SH2D4B: variants seen among roughly 807,000 people sequenced by gnomAD.
SH2D4B encodes the protein SH2 domain containing 4B.
In SH2D4B, 45 loss-of-function variants were observed where a neutral mutation model predicts 61.5. That is an observed-to-expected ratio of 0.73 (90% confidence interval 0.58 to 0.94). The LOEUF (loss-of-function observed/expected upper bound fraction) is 0.94, where lower values mean the gene tolerates loss of function less well. Among genes scored for constraint, SH2D4B ranks in the 40% least tolerant of loss-of-function variants. The probability of loss-of-function intolerance (pLI) is 0.00; values close to 1 mark genes in which losing one functional copy is unlikely to be tolerated. For missense variants in SH2D4B, 572 were observed against 574.2 expected (o/e 1.00, Z 0.04); for synonymous variants, 224 against 220.4 (o/e 1.02, Z -0.14).
intron 4 of SH2D4B, among the ~76,000 whole-genome samples, chr10:80,592,792 C>T (rs1172122610): frequency 6.8e-6 from 1 of 148,136 alleles, no homozygotes; most frequent in Admixed American, 7.0e-5. Flanking sequence ...CAGCTTACTG[C>T]AAGCTCTGCC....
At chr10:80,540,073 CAG>C (rs1841558012) in intron 1 of SH2D4B, among the ~76,000 whole-genome samples, 1 of 152,186 alleles carries the variant, frequency 6.6e-6, no homozygotes, top group African/African-American at 2.4e-5. Flanking sequence ...AATATTTATA[CAG>C]AGATTTGTCA....
At chr10:80,603,205 C>G (rs1043384843) in intron 4 of SH2D4B, among the ~76,000 whole-genome samples, 2 of 152,048 alleles carry the variant, frequency 1.3e-5, no homozygotes, top group African/African-American at 4.8e-5. Flanking sequence ...CTGAGCAGGG[C>G]ACTCCCAGGA....
At chr10:80,572,945 AATATATATATATATAT>A (rs869061750) in intron 3 of SH2D4B, among the ~76,000 whole-genome samples, 617 of 20,638 alleles carry the variant, frequency 0.03, 21 homozygotes, top group Middle Eastern at 0.12. Context: ...GTATGTTGCA[AATATATATATATATAT>A]ATATATATAT....
In SH2D4B at chr10:80,538,656, A is replaced by G. The variant is rs2132097453; in HGVS notation, c.184+141A>G. The G allele has an allele frequency of 1.4e-6, 1 of 697,248 alleles. No homozygotes were observed. Among genetic ancestry groups the G allele is most frequent in the East Asian group, 3.4e-5 (1 of 29,164 alleles). The allele number at this position is 697,248 out of a possible 1,614,324, so 43.2% of individuals were successfully genotyped here. ...GGCTTGAAACCCTTGTCTTGTGGGC[A>G]TCAGGTCCCATGAGCCTGTGCTTTT... On this transcript the variant is annotated intron_variant, in intron 1 of 7. Transcript: ENST00000646907. The surrounding 1 kb of genome is among the most constrained non-coding windows in gnomAD (Gnocchi z 4.8).
At chr10:80,545,229 G>A (rs1045619709) in intron 1 of SH2D4B, among the ~76,000 whole-genome samples, 1 of 152,068 alleles carries the variant, frequency 6.6e-6, no homozygotes, top group African/African-American at 2.4e-5. Flanking sequence ...AACAAACCCC[G>A]TAGCCATGAA....
chr10:80,592,594 C>T (rs542783037), intron 4 of SH2D4B, among the ~76,000 whole-genome samples: 2 of 152,270 alleles, frequency 1.3e-5, no homozygotes, highest in Admixed American at 6.5e-5. Context: ...TATGGCCATC[C>T]AAGTTGTCCA....
chr10:80,633,367 T>C (rs1045590658), intron 6 of SH2D4B, among the ~76,000 whole-genome samples: 8 of 152,328 alleles, frequency 5.3e-5, no homozygotes, highest in African/African-American at 1.9e-4. Context: ...GTTTGAATAC[T>C]TTATTCAACT....
chr10:80,588,881 C>G, intron 4 of SH2D4B, 104 bp downstream of exon 4: 1 of 1,402,134 alleles, frequency 7.1e-7, no homozygotes, highest in Non-Finnish European at 9.7e-7. Flanking sequence ...GCTCACTCAC[C>G]CCATCAGCCT....
intron 3 of SH2D4B, among the ~76,000 whole-genome samples, chr10:80,585,606 C>T (rs900263624): frequency 5.9e-5 from 9 of 152,204 alleles, no homozygotes; most frequent in Admixed American, 1.3e-4. Context: ...TGAACCACCG[C>T]GCCCAGCCAG....
At chr10:80,552,347 A>C (rs747037872) in intron 1 of SH2D4B, among the ~76,000 whole-genome samples, 4 of 151,766 alleles carry the variant, frequency 2.6e-5, no homozygotes, top group African/African-American at 7.3e-5. Flanking sequence ...CTTTTGCTCC[A>C]CTTTGCATGG....
intron 4 of SH2D4B, among the ~76,000 whole-genome samples, chr10:80,600,241 C>T (rs558243276): frequency 6.6e-6 from 1 of 152,314 alleles, no homozygotes; most frequent in East Asian, 1.9e-4. Context: ...GATTTCTTTC[C>T]CCATATTATA....
At chr10:80,543,560 G>A (rs570441458) in intron 1 of SH2D4B, among the ~76,000 whole-genome samples, 20 of 152,282 alleles carry the variant, frequency 1.3e-4, no homozygotes, top group African/African-American at 3.1e-4. Context: ...GCTCCACGGC[G>A]CCCAGTCTCA....
chr10:80,609,356 G>T, intron 5 of SH2D4B, 68 bp from the exon 6 acceptor site: 56 of 1,439,874 alleles, frequency 3.9e-5, no homozygotes, highest in South Asian at 1.0e-4. Flanking sequence ...CTTCCCCTCT[G>T]CCTTCCTCTC....
chr10:80,612,828 A>T (rs1268890713), intron 6 of SH2D4B, among the ~76,000 whole-genome samples: 1 of 152,168 alleles, frequency 6.6e-6, no homozygotes, highest in Non-Finnish European at 1.5e-5. Flanking sequence ...ACACATGTGG[A>T]TTTGTGCCAG....
intron 4 of SH2D4B, among the ~76,000 whole-genome samples, chr10:80,595,410 T>A (rs778009207): frequency 2.0e-5 from 3 of 152,170 alleles, no homozygotes; most frequent in Non-Finnish European, 4.4e-5. Context: ...TGAAGCCCAC[T>A]AGGTAAAGAA....
At chr10:80,558,870 T>C (rs573947698) in intron 1 of SH2D4B, among the ~76,000 whole-genome samples, 1 of 152,336 alleles carries the variant, frequency 6.6e-6, no homozygotes, top group African/African-American at 2.4e-5. Flanking sequence ...TGTGCAACCA[T>C]TTGTTGCTTG....
At chr10:80,591,185 G>A (rs1452201720) in intron 4 of SH2D4B, among the ~76,000 whole-genome samples, 1 of 151,880 alleles carries the variant, frequency 6.6e-6, no homozygotes, top group Non-Finnish European at 1.5e-5. Flanking sequence ...TGGCTATTTT[G>A]AATAATGTTG....
intron 6 of SH2D4B, among the ~76,000 whole-genome samples, chr10:80,629,041 A>AAAAAAAAAGAAAAG (rs1554818356): frequency 2.1e-5 from 3 of 143,952 alleles, no homozygotes; most frequent in African/African-American, 2.5e-5. Flanking sequence ...AAAAAAAAAA[A>AAAAAAAAAGAAAAG]GAAAAAGAAA....
At chr10:80,579,193 AG>A (rs1842160892) in intron 3 of SH2D4B, among the ~76,000 whole-genome samples, 1 of 152,118 alleles carries the variant, frequency 6.6e-6, no homozygotes, top group Non-Finnish European at 1.5e-5. Context: ...TTGAGGATGT[AG>A]GCAGGTTCTG....
Sources: gnomAD v4.1 joint callset for allele counts (sites outside exome capture counted in the v4.1 genomes callset) on GRCh38, gnomAD v4.1.1 for gene constraint, Gnocchi (gnomAD v3.1) non-coding constraint, MANE v1.5 for transcripts, NCBI Gene and HGNC (gene_info 2026-07-23, HGNC 2026-07-21) for gene names.